DYM: variants seen among roughly 807,000 people sequenced by gnomAD.
DYM encodes dymeclin.
Under a neutral mutation model 93.1 loss-of-function variants are expected in DYM, and 78 were observed. The observed-to-expected ratio is 0.84, with a 90% CI of 0.70 to 1.01. The LOEUF (loss-of-function observed/expected upper bound fraction) is 1.01, where lower values mean the gene tolerates loss of function less well. Ranked by LOEUF, DYM falls within the 50% of genes least tolerant of loss-of-function variation. DYM has a pLI of 0.00. For missense variants in DYM, 789 were observed against 845.0 expected (o/e 0.93, Z 0.82); for synonymous variants, 321 against 319.7 (o/e 1.00, Z -0.04).
chr18:49,396,935 G>A (rs2070172465), intron 2 of DYM, among the ~76,000 whole-genome samples: 1 of 152,144 alleles, frequency 6.6e-6, no homozygotes, highest in Non-Finnish European at 1.5e-5. Flanking sequence ...GAGAGGGAGA[G>A]AGGTCAACAG....
At chr18:49,289,763 A>ACG (rs1278966413) in intron 8 of DYM, among the ~76,000 whole-genome samples, 2 of 58,496 alleles carry the variant, frequency 3.4e-5, no homozygotes, top group African/African-American at 1.5e-4. Flanking sequence ...ATATATATAT[A>ACG]TATATATATA....
chr18:49,376,275 A>G (rs1285084631), intron 5 of DYM, among the ~76,000 whole-genome samples: 1 of 152,216 alleles, frequency 6.6e-6, no homozygotes, highest in Non-Finnish European at 1.5e-5. Flanking sequence ...TTGGAAAGAA[A>G]CTTTAGAACA....
chr18:49,435,404 A>G (rs1049370843), intron 1 of DYM, among the ~76,000 whole-genome samples: 4 of 141,488 alleles, frequency 2.8e-5, no homozygotes, highest in Non-Finnish European at 6.0e-5. Flanking sequence ...TACAAACTCT[A>G]GGGTAAACAC....
chr18:49,447,899 C>G (rs910758133), intron 1 of DYM, among the ~76,000 whole-genome samples: 3 of 152,152 alleles, frequency 2.0e-5, no homozygotes, highest in African/African-American at 4.8e-5. Flanking sequence ...CCCTGACCCC[C>G]CAACAGTGAG....
chr18:49,160,280 T>C (rs1305047553), intron 15 of DYM, among the ~76,000 whole-genome samples: 1 of 152,164 alleles, frequency 6.6e-6, no homozygotes, highest in African/African-American at 2.4e-5. Flanking sequence ...AGTTGAAGGT[T>C]TCAGGTTTCC....
intron 17 of DYM, among the ~76,000 whole-genome samples, chr18:49,062,743 A>C (rs1363625378): frequency 6.6e-6 from 1 of 152,154 alleles, no homozygotes; most frequent in African/African-American, 2.4e-5. Context: ...GCTTAGAAAA[A>C]CTGACTTCAG....
intron 8 of DYM, among the ~76,000 whole-genome samples, chr18:49,318,797 CTTTTTTTTTTT>C (rs932617888): frequency 8.7e-6 from 1 of 114,382 alleles, no homozygotes; most frequent in Non-Finnish European, 1.8e-5. Flanking sequence ...ATTTCTTTTT[CTTTTTTTTTTT>C]TTTTTTTTTT....
chr18:49,172,912 A>G (rs969104373), intron 14 of DYM, among the ~76,000 whole-genome samples: 1 of 151,950 alleles, frequency 6.6e-6, no homozygotes, highest in Non-Finnish European at 1.5e-5. Flanking sequence ...GTTAAGTTTT[A>G]AGTTTTATAG....
chr18:49,345,313 C>G (rs1471582298), intron 6 of DYM, among the ~76,000 whole-genome samples: 1 of 152,010 alleles, frequency 6.6e-6, no homozygotes, highest in Admixed American at 6.6e-5. Context: ...TGCAGGGAAT[C>G]CTGATAAATG....
intron 13 of DYM, among the ~76,000 whole-genome samples, chr18:49,217,779 C>A (rs540782537): frequency 5.9e-5 from 9 of 152,238 alleles, no homozygotes; most frequent in East Asian, 3.9e-4. Context: ...AGGAACAAAC[C>A]GTACCACCCA....
At chr18:49,268,015 T>C (rs2094601087) in intron 11 of DYM, among the ~76,000 whole-genome samples, 1 of 152,232 alleles carries the variant, frequency 6.6e-6, no homozygotes, top group African/African-American at 2.4e-5. Context: ...ATGAGGTCTC[T>C]CTTACTTTTC....
chr18:49,407,151 C>G (rs950920651), intron 2 of DYM, among the ~76,000 whole-genome samples: 24 of 152,044 alleles, frequency 1.6e-4, no homozygotes, highest in African/African-American at 5.8e-4. Flanking sequence ...AATAAAACTA[C>G]AGAAATAGAA....
At chr18:49,333,645 G>A in intron 7 of DYM, 83 bp downstream of exon 7, 2 of 1,421,662 alleles carry the variant, frequency 1.4e-6, no homozygotes, top group South Asian at 2.3e-5. Flanking sequence ...GGAGATATGG[G>A]ACGATACTCA....
At chr18:49,296,917 C>T (rs2060602291) in intron 8 of DYM, among the ~76,000 whole-genome samples, 1 of 152,174 alleles carries the variant, frequency 6.6e-6, no homozygotes, top group African/African-American at 2.4e-5. Context: ...CACAAGTCTT[C>T]CTGTAGACTC....
At chr18:49,114,435 A>C in intron 16 of DYM, 1 of 507,094 alleles carries the variant, frequency 2.0e-6, no homozygotes, top group Non-Finnish European at 2.5e-6. Context: ...AATGACAGAA[A>C]AGTGAGCACT....
intron 13 of DYM, among the ~76,000 whole-genome samples, chr18:49,248,680 C>T (rs1191606499): frequency 6.6e-6 from 1 of 151,062 alleles, no homozygotes. Context: ...CAACAAATGG[C>T]ATTCGTCTGC....
chr18:49,439,749 A>T (rs564244216), intron 1 of DYM, among the ~76,000 whole-genome samples: 20 of 152,188 alleles, frequency 1.3e-4, no homozygotes, highest in Non-Finnish European at 2.4e-4. Flanking sequence ...CATGCCTGTA[A>T]TTCCAGCACT....
intron 13 of DYM, among the ~76,000 whole-genome samples, chr18:49,248,258 A>G (rs2094212166): frequency 6.6e-6 from 1 of 152,218 alleles, no homozygotes; most frequent in Non-Finnish European, 1.5e-5. Flanking sequence ...TGGGGAATAT[A>G]GGCAATTCAA....
chr18:49,333,060 A>G (rs894220553), intron 7 of DYM, among the ~76,000 whole-genome samples: 1 of 152,244 alleles, frequency 6.6e-6, no homozygotes, highest in Non-Finnish European at 1.5e-5. Flanking sequence ...AATATGAAGA[A>G]GACAAAGCTC....
Sources: gnomAD v4.1 joint callset for allele counts (sites outside exome capture counted in the v4.1 genomes callset) on GRCh38, gnomAD v4.1.1 for gene constraint, MANE v1.5 for transcripts, NCBI Gene and HGNC (gene_info 2026-07-23, HGNC 2026-07-21) for gene names.